PSME4: variants seen among roughly 807,000 people sequenced by gnomAD.
PSME4 encodes the protein proteasome activator complex subunit 4.
Under a neutral mutation model 253.9 loss-of-function variants are expected in PSME4, and 89 were observed. The ratio of observed to expected loss-of-function variants is 0.35; its 90% CI spans 0.30 to 0.42. PSME4 has a LOEUF of 0.42. Ranked by LOEUF, PSME4 falls within the 10% of genes least tolerant of loss-of-function variation. The pLI is 1.00. For synonymous variants in PSME4, 851 were observed against 759.2 expected (o/e 1.12, Z -1.99); for missense variants, 2,014 against 2,195.2 (o/e 0.92, Z 1.65).
At chr2:53,937,872 A>T (rs1346726083) in intron 4 of PSME4, among the ~76,000 whole-genome samples, 1 of 152,102 alleles carries the variant, frequency 6.6e-6, no homozygotes, top group African/African-American at 2.4e-5. Context: ...GCACATCTGT[A>T]GTCCCAGCTA....
At chr2:53,919,079 A>G in intron 20 of PSME4, 72 bp downstream of exon 20, 6 of 1,429,202 alleles carry the variant, frequency 4.2e-6, no homozygotes, top group Non-Finnish European at 5.7e-6. Flanking sequence ...AATAACAACA[A>G]CAAACCAATA....
At chr2:53,881,300 TAC>T in intron 41 of PSME4, among the ~76,000 whole-genome samples, 1 of 152,220 alleles carries the variant, frequency 6.6e-6, no homozygotes, top group Admixed American at 6.5e-5. Flanking sequence ...CTCTAAGTTT[TAC>T]ATATGCGAAA....
Position 53,932,794 on chromosome 2 carries a change from C to T in PSME4, c.958-34G>A, listed in dbSNP as rs780475594. ...ATAAAAGAGTAAAAATGTCAGTACC[C>T]ACATCATACTGTAAAAACAGAGGTC... is the stretch of plus-strand genomic sequence containing the variant. On this transcript the variant is annotated intron_variant, in intron 8 of 46. Coordinates refer to ENST00000404125, the MANE Select transcript of PSME4 (RefSeq NM_014614.3). The T allele has an allele frequency of 1.1e-5, 17 of 1,520,988 alleles. No homozygotes were observed. In the South Asian group the frequency reaches 1.9e-4, roughly 17 times the overall value. 94.2% of individuals were successfully genotyped at this position (1,520,988 alleles called of 1,614,324 possible).
chr2:53,917,890 T>C (rs1668129646), intron 20 of PSME4, among the ~76,000 whole-genome samples: 1 of 152,148 alleles, frequency 6.6e-6, no homozygotes, highest in African/African-American at 2.4e-5. Context: ...ACAACAAAAC[T>C]AATGAAAAAC....
rs996791708 is a variant in PSME4, at chr2:53,970,935, C to T, written c.-151G>A. The T allele has an allele frequency of 2.8e-5, 17 of 603,824 alleles. No individual in the cohort carries two copies. The African/African-American group carries it at 3.0e-4, about 11-fold the overall frequency. The allele number at this position is 603,824 out of a possible 1,614,324, so 37.4% of individuals were successfully genotyped here. A position where few individuals can be genotyped will look rare whatever the true frequency, so the allele number is the denominator to read the frequency against. ...CGATCGCTAGGCCCCCTTCCCTGGC[C>T]GGCGTGCTGCTGGGCCCCACGCGGC... On this transcript the variant is annotated 5_prime_UTR_variant, in exon 1 of 47. Transcript: ENST00000404125.
chr2:53,888,088 T>C, intron 38 of PSME4, 99 bp from the exon 39 acceptor site: 1 of 1,291,086 alleles, frequency 7.7e-7, no homozygotes, highest in Non-Finnish European at 1.0e-6. Context: ...TAAAGCTTTT[T>C]CGTTTTTTCA....
chr2:53,936,933 T>C, intron 5 of PSME4, 106 bp from the exon 6 acceptor site: 1 of 730,874 alleles, frequency 1.4e-6, no homozygotes, highest in Non-Finnish European at 2.2e-6. Context: ...GATAACTACG[T>C]TAACTAGAAA....
chr2:53,917,605 C>G (rs1668116653), intron 20 of PSME4, among the ~76,000 whole-genome samples: 1 of 152,124 alleles, frequency 6.6e-6, no homozygotes, highest in Non-Finnish European at 1.5e-5. Context: ...ATTAAAAATA[C>G]ATGCTTTTGC....
At chr2:53,884,739 A>AGG (rs2104421330) in intron 41 of PSME4, among the ~76,000 whole-genome samples, 1 of 152,336 alleles carries the variant, frequency 6.6e-6, no homozygotes, top group South Asian at 2.1e-4. Context: ...GACAAAGCCT[A>AGG]CATACACCAA....
intron 38 of PSME4, chr2:53,888,438 C>T (rs1254903982): frequency 3.1e-6 from 1 of 320,886 alleles, no homozygotes; most frequent in African/African-American, 2.1e-5. Context: ...GATGAAGACA[C>T]AAAAGTACAA....
At chr2:53,893,866 G>T in intron 34 of PSME4, 67 bp from the exon 35 acceptor site, 4 of 1,484,120 alleles carry the variant, frequency 2.7e-6, no homozygotes, top group Non-Finnish European at 3.6e-6. Context: ...TTCTGAAAAA[G>T]TTAAAATTAC....
chr2:53,953,038 G>A (rs961300846), intron 1 of PSME4, among the ~76,000 whole-genome samples: 3 of 152,188 alleles, frequency 2.0e-5, no homozygotes, highest in African/African-American at 7.2e-5. Flanking sequence ...GAGACCAACA[G>A]GGGGATTCCT....
intron 1 of PSME4, among the ~76,000 whole-genome samples, chr2:53,970,241 C>T (rs1235796770): frequency 2.0e-5 from 3 of 152,194 alleles, no homozygotes; most frequent in African/African-American, 7.2e-5. Flanking sequence ...TCCCTCGGGG[C>T]CGGGGCCCTT....
At chr2:53,888,066 C>G in intron 38 of PSME4, 77 bp from the exon 39 acceptor site, 1 of 1,374,198 alleles carries the variant, frequency 7.3e-7, no homozygotes, top group Non-Finnish European at 9.6e-7. Context: ...CAGACAATAT[C>G]TGTATTTCAC....
At position 53,864,495 on chromosome 2, in the gene PSME4, CA is replaced by C. The variant is rs1191860314; in HGVS notation, c.*1082del. On this transcript the variant is annotated 3_prime_UTR_variant, in exon 47 of 47. Transcript: ENST00000404125. Reference sequence around the variant, plus strand: ...AGATAAAGAAAATAATTTAAAAACACAAAAAATGGCATTCAGTGGGTACAAA... The same window carrying C: ...AGATAAAGAAAATAATTTAAAAACACAAAAATGGCATTCAGTGGGTACAAA... 1.3e-5 allele frequency: 2 copies of C among 149,728 alleles called. No homozygotes were observed. Among genetic ancestry groups the C allele is most frequent in the Non-Finnish European group, 3.0e-5 (2 of 67,424 alleles). 9.3% of individuals were successfully genotyped at this position (149,728 alleles called of 1,614,324 possible).
At chr2:53,965,670 GT>G (rs200690643) in intron 1 of PSME4, among the ~76,000 whole-genome samples, 23 of 139,292 alleles carry the variant, frequency 1.7e-4, no homozygotes, top group Admixed American at 3.6e-4. Context: ...GTGTTTTTTT[GT>G]TTTTTTTTTT....
At chr2:53,950,670 C>T (rs1180974351) in intron 1 of PSME4, among the ~76,000 whole-genome samples, 7 of 151,718 alleles carry the variant, frequency 4.6e-5, no homozygotes, top group East Asian at 2.0e-4. Flanking sequence ...GGAGAAACCC[C>T]GTCTCTACTA....
intron 45 of PSME4, 136 bp downstream of exon 45, chr2:53,866,611 G>A (rs1158380887): frequency 7.5e-6 from 7 of 927,474 alleles, no homozygotes; most frequent in Non-Finnish European, 9.4e-6. Context: ...ATAATTACTG[G>A]TGAGCAGACT....
chr2:53,914,503 C>T (rs1012712250), intron 20 of PSME4, among the ~76,000 whole-genome samples: 3 of 152,058 alleles, frequency 2.0e-5, no homozygotes, highest in Admixed American at 6.5e-5. Flanking sequence ...TTCAATAGTA[C>T]GAAATAAGAA....
Sources: gnomAD v4.1 joint callset for allele counts (sites outside exome capture counted in the v4.1 genomes callset) on GRCh38, gnomAD v4.1.1 for gene constraint, MANE v1.5 for transcripts, NCBI Gene and HGNC (gene_info 2026-07-23, HGNC 2026-07-21) for gene names.